Variants in FAF1 observed in about 807,000 individuals in gnomAD.
FAF1 encodes the protein Fas associated factor 1.
Under a neutral mutation model 92.5 loss-of-function variants are expected in FAF1, and 25 were observed. That is an observed-to-expected ratio of 0.27 (90% CI 0.20 to 0.38). The LOEUF (loss-of-function observed/expected upper bound fraction) is 0.38, where lower values mean the gene tolerates loss of function less well. Among genes scored for constraint, FAF1 ranks in the 10% least tolerant of loss-of-function variants. The pLI, the probability that FAF1 is intolerant of heterozygous loss-of-function variation, is 1.00. For missense variants in FAF1, 636 were observed against 793.3 expected, an observed-to-expected ratio of 0.80 and a Z score of 2.38; for synonymous variants, 234 against 273.2, an observed-to-expected ratio of 0.86 and a Z score of 1.42.
intron 7 of FAF1, among the ~76,000 whole-genome samples, chr1:50,689,953 T>C (rs143893800): frequency 4.6e-5 from 7 of 151,880 alleles, no homozygotes; most frequent in African/African-American, 1.4e-4. Flanking sequence ...ACAGTATACA[T>C]AGGAAGATCA....
intron 1 of FAF1, among the ~76,000 whole-genome samples, chr1:50,956,164 C>T (rs1645265295): frequency 1.3e-5 from 2 of 151,988 alleles, no homozygotes. Flanking sequence ...AAGGATTGTA[C>T]CACAATTTTT....
intron 7 of FAF1, among the ~76,000 whole-genome samples, chr1:50,657,903 C>T (rs879801174): frequency 6.6e-6 from 1 of 152,134 alleles, no homozygotes; most frequent in Admixed American, 6.5e-5. Context: ...AACAGGTTTT[C>T]TTTAGAGGTT....
chr1:50,786,444 T>C (rs762687638), intron 4 of FAF1, among the ~76,000 whole-genome samples: 5 of 151,832 alleles, frequency 3.3e-5, no homozygotes, highest in African/African-American at 9.7e-5. Context: ...TTGCCAGGAG[T>C]TTGAGGGAGG....
At chr1:50,863,179 T>A (rs1379621500) in intron 1 of FAF1, among the ~76,000 whole-genome samples, 2 of 151,864 alleles carry the variant, frequency 1.3e-5, no homozygotes, top group African/African-American at 2.4e-5. Context: ...CAGACCACAG[T>A]AGAATAAAAT....
chr1:50,719,488 A>G (rs891674796), intron 6 of FAF1, among the ~76,000 whole-genome samples: 2 of 152,252 alleles, frequency 1.3e-5, no homozygotes, highest in African/African-American at 4.8e-5. Flanking sequence ...ATTTTTCATG[A>G]TGATTTCAAA....
At chr1:50,695,620 T>A (rs1020458169) in intron 7 of FAF1, among the ~76,000 whole-genome samples, 2 of 152,288 alleles carry the variant, frequency 1.3e-5, no homozygotes, top group South Asian at 2.1e-4. Context: ...ATATATGATT[T>A]CTCTCTATAA....
chr1:50,486,803 T>C (rs1184665441), intron 17 of FAF1, among the ~76,000 whole-genome samples: 1 of 152,154 alleles, frequency 6.6e-6, no homozygotes, highest in Non-Finnish European at 1.5e-5. Context: ...TTGCTAAATA[T>C]TGAGTGAATA....
At chr1:50,846,051 GAGATGGAGGTTGC>G in intron 2 of FAF1, among the ~76,000 whole-genome samples, 1 of 152,186 alleles carries the variant, frequency 6.6e-6, no homozygotes, top group South Asian at 2.1e-4. Flanking sequence ...TTGAACCCAG[GAGATGGAGGTTGC>G]AGTGAGCCAA....
At chr1:50,639,790 C>T (rs538697508) in intron 8 of FAF1, among the ~76,000 whole-genome samples, 6 of 151,886 alleles carry the variant, frequency 4.0e-5, no homozygotes, top group South Asian at 4.2e-4. Context: ...AAAAATTAGC[C>T]GGGCATGGTG....
In FAF1 at chr1:50,959,904, G is replaced by A. The variant is rs1645302208; in HGVS notation, c.-93C>T. ...GACCGTCGCCGCCACCGCCGCCGCC[G>A]CCGCCGGGCGCCGAGGGGCTGGCGG... On this transcript the variant is annotated 5_prime_UTR_variant, in exon 1 of 19. Transcript: ENST00000396153. 4 of 771,188 alleles carry A rather than the reference G, an allele frequency of 5.2e-6. No individual in the cohort carries two copies. The highest frequency in any genetic ancestry group is 1.1e-4 in the South Asian group (2 of 17,584). 47.8% of individuals were successfully genotyped at this position (771,188 alleles called of 1,614,324 possible).
intron 18 of FAF1, among the ~76,000 whole-genome samples, chr1:50,455,650 A>G (rs977281434): frequency 5.3e-5 from 8 of 152,184 alleles, no homozygotes; most frequent in Non-Finnish European, 1.0e-4. Context: ...AATTAAGAAA[A>G]CACTTAATCT....
intron 18 of FAF1, among the ~76,000 whole-genome samples, chr1:50,448,350 T>C (rs923013477): frequency 6.6e-6 from 1 of 150,430 alleles, no homozygotes. Context: ...GCAAATTCAA[T>C]GTTTATTTAT....
At chr1:50,701,545 A>G (rs1188388400) in intron 7 of FAF1, among the ~76,000 whole-genome samples, 1 of 152,142 alleles carries the variant, frequency 6.6e-6, no homozygotes, top group Non-Finnish European at 1.5e-5. Flanking sequence ...GGCCACCAGC[A>G]TTAAAGGAGA....
intron 2 of FAF1, among the ~76,000 whole-genome samples, chr1:50,825,223 T>A (rs189158943): frequency 1.3e-5 from 2 of 152,098 alleles, no homozygotes; most frequent in East Asian, 3.8e-4. Flanking sequence ...CCCATAAATA[T>A]GTACATTATG....
At chr1:50,491,952 C>A (rs1048017166) in intron 15 of FAF1, 151 bp from the exon 16 acceptor site, 11 of 600,378 alleles carry the variant, frequency 1.8e-5, no homozygotes, top group African/African-American at 1.7e-4. Context: ...AATAAGCAAA[C>A]AAACAATAAG....
intron 4 of FAF1, among the ~76,000 whole-genome samples, chr1:50,769,458 T>C (rs1370525832): frequency 6.6e-6 from 1 of 152,096 alleles, no homozygotes; most frequent in Non-Finnish European, 1.5e-5. Flanking sequence ...GCCAGCATCA[T>C]CCTGACACCA....
chr1:50,539,002 T>C (rs1648627186), intron 14 of FAF1, among the ~76,000 whole-genome samples: 1 of 152,184 alleles, frequency 6.6e-6, no homozygotes, highest in South Asian at 2.1e-4. Flanking sequence ...ATGAACAAGG[T>C]AATATTTTAC....
At chr1:50,861,716 TA>T (rs942559430) in intron 1 of FAF1, among the ~76,000 whole-genome samples, 2 of 151,474 alleles carry the variant, frequency 1.3e-5, no homozygotes, top group African/African-American at 2.4e-5. Flanking sequence ...AAAAGTTATT[TA>T]AAAAAAAGAT....
At chr1:50,691,518 C>T (rs1191077405) in intron 7 of FAF1, among the ~76,000 whole-genome samples, 4 of 152,038 alleles carry the variant, frequency 2.6e-5, no homozygotes, top group South Asian at 2.1e-4. Flanking sequence ...CTGGGATTAC[C>T]GGCATGAACC....
Sources: allele counts gnomAD v4.1 joint callset (sites outside exome capture counted in the v4.1 genomes callset), GRCh38; gene constraint gnomAD v4.1.1; transcripts MANE v1.5; gene names NCBI Gene and HGNC (gene_info 2026-07-23, HGNC 2026-07-21).